The following STK3 variants were observed in gnomAD, a reference collection of about 807,000 sequenced individuals.
STK3 encodes the protein serine/threonine-protein kinase 3.
STK3 carries 41 observed loss-of-function variants against 58.0 expected under a neutral mutation model. That is an observed-to-expected ratio of 0.71 (90% confidence interval 0.55 to 0.92). The LOEUF (loss-of-function observed/expected upper bound fraction) is 0.92, where lower values mean the gene tolerates loss of function less well. STK3 is among the 40% of genes least tolerant of loss of function. STK3 has a pLI of 0.00. For missense variants in STK3, 479 were observed against 602.7 expected (o/e 0.79, Z 2.15); for synonymous variants, 170 against 191.0 (o/e 0.89, Z 0.91).
intron 1 of STK3, among the ~76,000 whole-genome samples, chr8:98,917,431 C>A (rs891622311): frequency 6.6e-6 from 1 of 152,106 alleles, no homozygotes; most frequent in Non-Finnish European, 1.5e-5. Flanking sequence ...ACGTTTGTGA[C>A]CCCCAAAAAT....
chr8:98,744,817 A>G (rs1829530679), intron 4 of STK3, among the ~76,000 whole-genome samples: 1 of 152,120 alleles, frequency 6.6e-6, no homozygotes, highest in Non-Finnish European at 1.5e-5. Flanking sequence ...AGAGACAAAT[A>G]TATACATAAC....
At chr8:98,666,411 T>C (rs752934073) in intron 6 of STK3, among the ~76,000 whole-genome samples, 9 of 152,222 alleles carry the variant, frequency 5.9e-5, no homozygotes, top group Non-Finnish European at 7.3e-5. Context: ...TAATAGATGT[T>C]AAATATTTAG....
At chr8:98,652,465 A>G (rs1012645807) in intron 6 of STK3, among the ~76,000 whole-genome samples, 12 of 151,982 alleles carry the variant, frequency 7.9e-5, no homozygotes, top group Non-Finnish European at 1.6e-4. Flanking sequence ...TGACAGGATC[A>G]AATTCACACA....
At chr8:98,792,176 T>C (rs557327015) in intron 1 of STK3, among the ~76,000 whole-genome samples, 29 of 152,212 alleles carry the variant, frequency 1.9e-4, no homozygotes, top group Admixed American at 4.6e-4. Flanking sequence ...CAAAAGAAGA[T>C]ATACGAATGG....
intron 6 of STK3, among the ~76,000 whole-genome samples, chr8:98,676,353 G>A (rs182689982): frequency 7.9e-5 from 12 of 152,266 alleles, no homozygotes; most frequent in Admixed American, 2.0e-4. Flanking sequence ...GGCGGGGCGC[G>A]GTGGCTCACG....
rs537787624 is a variant in STK3, at chr8:98,800,666, G to C, written c.26+24849C>G. On this transcript the variant is annotated intron_variant, in intron 1 of 10. Transcript: ENST00000419617. The surrounding 1 kb of genome is among the most constrained non-coding windows in gnomAD (Gnocchi z 4.8). ...AGTTCCGGGTGGGTGTGGGCTTGAT[G>C]GGCCCCGCACTCAGAGTGGCCAGCT... Among the ~76,000 whole-genome samples the C allele has an allele frequency of 6.6e-6, 1 of 152,190 alleles. No homozygotes were observed.
At chr8:98,728,622 C>CCACA (rs1268136333) in intron 4 of STK3, among the ~76,000 whole-genome samples, 1 of 151,992 alleles carries the variant, frequency 6.6e-6, no homozygotes, top group African/African-American at 2.4e-5. Context: ...GAAAAGATTC[C>CCACA]TGAAAAAGAG....
chr8:98,773,420 TTC>T (rs765772517), intron 2 of STK3, among the ~76,000 whole-genome samples: 133 of 152,248 alleles, frequency 8.7e-4, no homozygotes, highest in Middle Eastern at 6.8e-3. Flanking sequence ...TACTATTACT[TTC>T]TGTTTTTTTA....
At chr8:98,537,091 AAAG>A (rs1809827560) in intron 9 of STK3, among the ~76,000 whole-genome samples, 1 of 152,206 alleles carries the variant, frequency 6.6e-6, no homozygotes, top group Admixed American at 6.5e-5. Flanking sequence ...AACTTAAATA[AAAG>A]AAGGAGTCTA....
Position 98,743,466 on chromosome 8 carries a change from G to C in STK3, c.351+5810C>G, listed in dbSNP as rs1293299943. Among the ~76,000 whole-genome samples, 9 of 152,116 alleles carry C rather than the reference G, an allele frequency of 5.9e-5. No homozygotes were observed. In the East Asian group the frequency reaches 1.5e-3, roughly 26 times the overall value. ...ACTATCTGATCTTTGACAAACCTGA[G>C]AAAAACAAGCAATGGGGAAAGGATT... On this transcript the variant is annotated intron_variant, in intron 4 of 10. Coordinates refer to ENST00000419617, the MANE Select transcript of STK3 (RefSeq NM_006281.4).
intron 6 of STK3, among the ~76,000 whole-genome samples, chr8:98,627,469 G>A (rs1314676547): frequency 6.8e-6 from 1 of 148,114 alleles, no homozygotes. Context: ...AGCCGAGATC[G>A]TGCCACTGCA....
intron 2 of STK3, chr8:98,436,917 T>C (rs1773505941): frequency 6.6e-6 from 1 of 152,330 alleles, no homozygotes; most frequent in African/African-American, 2.4e-5. Context: ...CTTTCCTCGG[T>C]ATCTTGCACA....
At chr8:98,907,971 T>A (rs921580515) in intron 1 of STK3, among the ~76,000 whole-genome samples, 5 of 152,232 alleles carry the variant, frequency 3.3e-5, no homozygotes, top group Non-Finnish European at 5.9e-5. Flanking sequence ...ATTCCTGTGG[T>A]GTCTTGTATC....
chr8:98,595,978 G>C, intron 7 of STK3, 54 bp downstream of exon 7: 1 of 1,567,542 alleles, frequency 6.4e-7, no homozygotes, highest in South Asian at 1.2e-5. Flanking sequence ...GCCAATGTCA[G>C]AAAGCTGAAA....
In STK3 at chr8:98,611,939, T is replaced by C. The variant is rs1023466312; in HGVS notation, c.685-15770A>G. ...CATTTTTAGAGACAGAGTTCATAAATAGAATGGGAGAAACTAGGAAAACTA... is the reference window on the plus strand; with the variant it reads ...CATTTTTAGAGACAGAGTTCATAAACAGAATGGGAGAAACTAGGAAAACTA... On this transcript the variant is annotated intron_variant, in intron 6 of 10. Transcript: ENST00000419617. Among the ~76,000 whole-genome samples, 8 of 151,848 alleles carry C rather than the reference T, an allele frequency of 5.3e-5. No individual in the cohort carries two copies. In the East Asian group the frequency reaches 5.8e-4, roughly 11 times the overall value.
At position 98,588,845 on chromosome 8, in the gene STK3, A is replaced by G. The variant is rs946631249; in HGVS notation, c.822+7187T>C. ...CTTCCCTTCTCGCTTCATTTCACTCATTTCATCTTCCATTGCTGATACCCT... is the reference window on the plus strand; with the variant it reads ...CTTCCCTTCTCGCTTCATTTCACTCGTTTCATCTTCCATTGCTGATACCCT... On this transcript the variant is annotated intron_variant, in intron 7 of 10. Coordinates refer to ENST00000419617, the MANE Select transcript of STK3 (RefSeq NM_006281.4). 2.0e-5 allele frequency among the ~76,000 whole-genome samples: 3 copies of G among 151,276 alleles called. No homozygotes were observed. The East Asian group carries it at 5.8e-4, about 29-fold the overall frequency.
chr8:98,833,454 G>A (rs1382589480), intron 3 of STK3, among the ~76,000 whole-genome samples: 1 of 152,172 alleles, frequency 6.6e-6, no homozygotes, highest in Non-Finnish European at 1.5e-5. Flanking sequence ...ATCTCTCCTG[G>A]ATCAGGAAAA....
At chr8:98,734,718 A>T (rs1828445399) in intron 4 of STK3, among the ~76,000 whole-genome samples, 1 of 152,150 alleles carries the variant, frequency 6.6e-6, no homozygotes, top group Non-Finnish European at 1.5e-5. Flanking sequence ...AACGGCATTT[A>T]ATATAATATA....
At chr8:98,715,385 T>C (rs1826911984) in intron 4 of STK3, among the ~76,000 whole-genome samples, 1 of 152,174 alleles carries the variant, frequency 6.6e-6, no homozygotes, top group South Asian at 2.1e-4. Flanking sequence ...TCTACTCATC[T>C]GACAAAGGGC....
Sources: gnomAD v4.1 joint callset for allele counts (sites outside exome capture counted in the v4.1 genomes callset) on GRCh38, gnomAD v4.1.1 for gene constraint, Gnocchi (gnomAD v3.1) non-coding constraint, MANE v1.5 for transcripts, NCBI Gene and HGNC (gene_info 2026-07-23, HGNC 2026-07-21) for gene names.